TAFA5: variants seen among roughly 807,000 people sequenced by gnomAD.
The protein encoded by TAFA5 is chemokine-like protein TAFA-5.
Under a neutral mutation model 15.3 loss-of-function variants are expected in TAFA5, and 6 were observed. The observed-to-expected ratio is 0.39, with a 90% CI of 0.21 to 0.77. The LOEUF (loss-of-function observed/expected upper bound fraction) is 0.77, where lower values mean the gene tolerates loss of function less well. TAFA5 is among the 30% of genes least tolerant of loss of function. The probability of loss-of-function intolerance (pLI) is 0.41; values close to 1 mark genes in which losing one functional copy is unlikely to be tolerated. For synonymous variants in TAFA5, 103 were observed against 80.7 expected, an observed-to-expected ratio of 1.28 and a Z score of -1.48; for missense variants, 161 against 193.1, an observed-to-expected ratio of 0.83 and a Z score of 0.98.
chr22:48,680,432 C>G (rs2147229828), intron 2 of TAFA5, among the ~76,000 whole-genome samples: 1 of 152,264 alleles, frequency 6.6e-6, no homozygotes, highest in Non-Finnish European at 1.5e-5. Flanking sequence ...CATTTAGTCT[C>G]CATTCAAGTC....
intron 1 of TAFA5, among the ~76,000 whole-genome samples, chr22:48,568,586 G>GA (rs1403164388): frequency 6.6e-6 from 1 of 152,238 alleles, no homozygotes; most frequent in African/African-American, 2.4e-5. Flanking sequence ...AAGGAGGAAA[G>GA]AAAACATTGA....
chr22:48,723,320 G>A (rs1929623787), intron 3 of TAFA5, among the ~76,000 whole-genome samples: 1 of 152,176 alleles, frequency 6.6e-6, no homozygotes, highest in Non-Finnish European at 1.5e-5. Flanking sequence ...AAGGATTTGT[G>A]TCTGCATCCA....
In TAFA5 at chr22:48,586,951, C is replaced by A. The variant is rs554535183; in HGVS notation, c.113-59646C>A. Among the ~76,000 whole-genome samples the A allele has an allele frequency of 2.6e-5, 4 of 152,236 alleles. No homozygotes were observed. In the South Asian group the frequency reaches 8.3e-4, roughly 31 times the overall value. On this transcript the variant is annotated intron_variant, in intron 1 of 3. Transcript: ENST00000402357. ...TGCGGGGCAGCCAAAAGGCACCCTC[C>A]GGGTAATCAAGGCCTACCCCACATG...
At chr22:48,565,371 A>C (rs1923375121) in intron 1 of TAFA5, among the ~76,000 whole-genome samples, 1 of 152,250 alleles carries the variant, frequency 6.6e-6, no homozygotes, top group African/African-American at 2.4e-5. Context: ...CTTAATGGAC[A>C]GCAAAGTCCT....
At chr22:48,689,751 A>G (rs1601674319) in intron 2 of TAFA5, among the ~76,000 whole-genome samples, 1 of 152,146 alleles carries the variant, frequency 6.6e-6, no homozygotes, top group Admixed American at 6.5e-5. Flanking sequence ...ACTGTGCAGG[A>G]AAGAGCAGGT....
At chr22:48,586,386 C>G (rs1042694016) in intron 1 of TAFA5, among the ~76,000 whole-genome samples, 1 of 152,264 alleles carries the variant, frequency 6.6e-6, no homozygotes, top group African/African-American at 2.4e-5. Flanking sequence ...GAGGAAGCCC[C>G]ACCTGCAGCA....
intron 3 of TAFA5, among the ~76,000 whole-genome samples, chr22:48,715,752 G>T (rs961924576): frequency 8.5e-5 from 13 of 152,210 alleles, no homozygotes; most frequent in African/African-American, 3.1e-4. Flanking sequence ...AGGTGAGCCT[G>T]GCCAGCAAGC....
intron 1 of TAFA5, among the ~76,000 whole-genome samples, chr22:48,492,623 G>A (rs1335134319): frequency 6.6e-6 from 1 of 152,126 alleles, no homozygotes; most frequent in Non-Finnish European, 1.5e-5. Flanking sequence ...ACACAGCCTT[G>A]TCATTTTCTC....
intron 1 of TAFA5, chr22:48,544,693 C>T (rs867817171): frequency 3.6e-5 from 17 of 471,180 alleles, no homozygotes; most frequent in African/African-American, 2.0e-4. Context: ...TGTGTCCCTG[C>T]GTGCCCGCAG....
chr22:48,716,078 G>A (rs1310926668), intron 3 of TAFA5, among the ~76,000 whole-genome samples: 1 of 152,128 alleles, frequency 6.6e-6, no homozygotes, highest in African/African-American at 2.4e-5. Flanking sequence ...TTATTTCTGA[G>A]GCCTCTGTTC....
chr22:48,706,367 C>T (rs373843576), intron 2 of TAFA5, among the ~76,000 whole-genome samples: 3 of 152,174 alleles, frequency 2.0e-5, no homozygotes, highest in Non-Finnish European at 4.4e-5. Context: ...TGTGAGTGGG[C>T]GAGGAAGGGG....
At position 48,571,574 on chromosome 22, in the gene TAFA5, G is replaced by GTTTTTTTTTT. The variant is rs57578802; in HGVS notation, c.113-75000_113-74991dup. Reference sequence around the variant, plus strand: ...AGGCATGAGCCACTGTGCCTGGCCTGTTTTTTTTTTTTTTTTTTTTTTTTT... The same window carrying GTTTTTTTTTT: ...AGGCATGAGCCACTGTGCCTGGCCTGTTTTTTTTTTTTTTTTTTTTTTTTTTTTTTTTTTT... On this transcript the variant is annotated intron_variant, in intron 1 of 3. Transcript: ENST00000402357. 1.7e-4 allele frequency among the ~76,000 whole-genome samples: 5 copies of GTTTTTTTTTT among 29,240 alleles called. 1 individual carries two copies. Among genetic ancestry groups the GTTTTTTTTTT allele is most frequent in the African/African-American group, 3.4e-4 (3 of 8,830 alleles). The allele number at this position is 29,240 out of a possible 152,430, so 19.2% of individuals were successfully genotyped here. A position where few individuals can be genotyped will look rare whatever the true frequency, so the allele number is the denominator to read the frequency against.
At chr22:48,535,647 G>A (rs1922130727) in intron 1 of TAFA5, among the ~76,000 whole-genome samples, 1 of 148,920 alleles carries the variant, frequency 6.7e-6, no homozygotes, top group Non-Finnish European at 1.5e-5. Flanking sequence ...GAGCACTCAT[G>A]CATACATGTG....
chr22:48,738,672 TTTTAA>T (rs1313170828), intron 3 of TAFA5, among the ~76,000 whole-genome samples: 19 of 152,240 alleles, frequency 1.2e-4, no homozygotes, highest in African/African-American at 4.3e-4. Context: ...AAACGGGTTA[TTTTAA>T]TTTAAGAGGT....
chr22:48,521,655 G>A (rs905834942), intron 1 of TAFA5, among the ~76,000 whole-genome samples: 2 of 152,186 alleles, frequency 1.3e-5, no homozygotes, highest in African/African-American at 2.4e-5. Context: ...CCAGCCGCAC[G>A]GGAGACGGAG....
chr22:48,534,276 C>A (rs1052730576), intron 1 of TAFA5, among the ~76,000 whole-genome samples: 21 of 150,650 alleles, frequency 1.4e-4, no homozygotes, highest in African/African-American at 4.9e-4. Context: ...GTGGATCAGG[C>A]AATTGCGGTG....
At chr22:48,685,469 C>T (rs895331939) in intron 2 of TAFA5, among the ~76,000 whole-genome samples, 2 of 152,136 alleles carry the variant, frequency 1.3e-5, no homozygotes, top group Non-Finnish European at 2.9e-5. Context: ...TTTTGATTTC[C>T]TTTAGAGCCT....
At chr22:48,641,309 T>C (rs926988579) in intron 1 of TAFA5, among the ~76,000 whole-genome samples, 3 of 151,928 alleles carry the variant, frequency 2.0e-5, no homozygotes, top group Non-Finnish European at 2.9e-5. Flanking sequence ...GGAAAGGAGG[T>C]TTCATATGAT....
At chr22:48,641,499 C>T (rs1926674218) in intron 1 of TAFA5, among the ~76,000 whole-genome samples, 1 of 152,010 alleles carries the variant, frequency 6.6e-6, no homozygotes, top group Non-Finnish European at 1.5e-5. Context: ...CAGCTTTGTT[C>T]TTTTCCATTC....
Sources: allele counts gnomAD v4.1 joint callset (sites outside exome capture counted in the v4.1 genomes callset), GRCh38; gene constraint gnomAD v4.1.1; transcripts MANE v1.5; gene names NCBI Gene and HGNC (gene_info 2026-07-23, HGNC 2026-07-21).